Variants in CCDC7 observed in about 807,000 individuals in gnomAD.
CCDC7 encodes coiled-coil domain-containing protein 7.
CCDC7 carries 183 observed loss-of-function variants against 196.9 expected under a neutral mutation model. The ratio of observed to expected loss-of-function variants is 0.93; its 90% CI spans 0.82 to 1.05. The LOEUF (loss-of-function observed/expected upper bound fraction) is 1.05, where lower values mean the gene tolerates loss of function less well. Among genes scored for constraint, CCDC7 ranks in the 50% least tolerant of loss-of-function variants. CCDC7 has a pLI of 0.00. For missense variants in CCDC7, 1,540 were observed against 1,482.2 expected, an observed-to-expected ratio of 1.04 and a Z score of -0.64; for synonymous variants, 525 against 484.6, an observed-to-expected ratio of 1.08 and a Z score of -1.10.
chr10:32,789,708 G>A (rs2082394867), intron 29 of CCDC7, among the ~76,000 whole-genome samples: 1 of 152,172 alleles, frequency 6.6e-6, no homozygotes, highest in Admixed American at 6.5e-5. Flanking sequence ...TGAAGGCAGA[G>A]TGAATAGATT....
At chr10:32,546,119 T>C (rs2052421945) in intron 13 of CCDC7, among the ~76,000 whole-genome samples, 1 of 152,064 alleles carries the variant, frequency 6.6e-6, no homozygotes, top group Admixed American at 6.6e-5. Context: ...GAAAAACATA[T>C]CGAATGCTAT....
intron 9 of CCDC7, 37 bp from the exon 11 acceptor site, chr10:32,517,908 A>G (rs1478742811): frequency 1.3e-6 from 2 of 1,571,142 alleles, no homozygotes; most frequent in African/African-American, 2.8e-5. Context: ...ATATAAATGT[A>G]CAATTATAAA....
chr10:32,498,317 G>T (rs1322355806), intron 9 of CCDC7, among the ~76,000 whole-genome samples: 6 of 151,790 alleles, frequency 4.0e-5, no homozygotes, highest in African/African-American at 1.2e-4. Context: ...CACACCAGTG[G>T]GTCTTTACTC....
intron 8 of CCDC7, among the ~76,000 whole-genome samples, chr10:32,486,855 A>G (rs1163692926): frequency 6.6e-6 from 1 of 151,804 alleles, no homozygotes; most frequent in Non-Finnish European, 1.5e-5. Flanking sequence ...TTCTGCCGAG[A>G]GATCAGCTGT....
intron 20 of CCDC7, among the ~76,000 whole-genome samples, chr10:32,660,253 C>A (rs1320580061): frequency 6.9e-6 from 1 of 143,888 alleles, no homozygotes; most frequent in Admixed American, 7.1e-5. Context: ...TTAGGTATAT[C>A]TCCCAATGCT....
At chr10:32,881,987 T>C (rs1185800711), downstream of CCDC7, among the ~76,000 whole-genome samples, 1 of 152,176 alleles carries the variant, frequency 6.6e-6, no homozygotes, top group Non-Finnish European at 1.5e-5. Context: ...GGTAACTAGA[T>C]GATTGGACTC....
chr10:32,658,756 A>G (rs1179317586), intron 20 of CCDC7, among the ~76,000 whole-genome samples: 1 of 152,258 alleles, frequency 6.6e-6, no homozygotes, highest in African/African-American at 2.4e-5. Context: ...ATCCAGGCCC[A>G]TAAAGACATA....
intron 23 of CCDC7, among the ~76,000 whole-genome samples, chr10:32,689,717 C>A (rs897940885): frequency 6.6e-6 from 1 of 151,260 alleles, no homozygotes; most frequent in Non-Finnish European, 1.5e-5. Flanking sequence ...TTTATCGAAA[C>A]AGTTCCAGTA....
chr10:32,768,094 C>T (rs1273491208), intron 28 of CCDC7, among the ~76,000 whole-genome samples: 1 of 151,940 alleles, frequency 6.6e-6, no homozygotes, highest in African/African-American at 2.4e-5. Context: ...ATGCAGTATG[C>T]TTACAAGATT....
chr10:32,880,804 A>G (rs1271021068), downstream of CCDC7, among the ~76,000 whole-genome samples: 3 of 152,216 alleles, frequency 2.0e-5, no homozygotes, highest in East Asian at 1.9e-4. Context: ...TCCTTTCCCT[A>G]TTGCTTGTTT....
At chr10:32,515,869 G>A (rs2046949833) in intron 9 of CCDC7, among the ~76,000 whole-genome samples, 1 of 152,068 alleles carries the variant, frequency 6.6e-6, no homozygotes, top group Non-Finnish European at 1.5e-5. Context: ...ATGCACTAAT[G>A]TCAAAATTAT....
At chr10:32,785,381 C>G (rs1278282593) in intron 29 of CCDC7, among the ~76,000 whole-genome samples, 1 of 152,014 alleles carries the variant, frequency 6.6e-6, no homozygotes, top group African/African-American at 2.4e-5. Flanking sequence ...CTGAAGAAAA[C>G]ATAATGGACA....
intron 21 of CCDC7, among the ~76,000 whole-genome samples, chr10:32,672,352 G>T (rs1411124518): frequency 6.6e-6 from 1 of 152,170 alleles, no homozygotes; most frequent in African/African-American, 2.4e-5. Flanking sequence ...TGAACGTGTG[G>T]CTCTGGGATT....
chr10:32,716,937 T>G (rs3003970), intron 25 of CCDC7, among the ~76,000 whole-genome samples: 126,858 of 151,984 alleles, frequency 0.83, 53,557 homozygotes, highest in Non-Finnish European at 0.9. Context: ...AATAATAGTG[T>G]GATACTTTAA....
intron 20 of CCDC7, among the ~76,000 whole-genome samples, chr10:32,644,931 T>A (rs2067487015): frequency 1.3e-5 from 2 of 152,210 alleles, no homozygotes. Flanking sequence ...TGCAGAACCA[T>A]GAGCCAATTA....
At chr10:32,808,151 G>T (rs371433187) in intron 30 of CCDC7, among the ~76,000 whole-genome samples, 60 of 152,158 alleles carry the variant, frequency 3.9e-4, no homozygotes, top group African/African-American at 1.4e-3. Flanking sequence ...GGGTCCTGGG[G>T]ATTTCCCCAC....
At chr10:32,811,443 A>G (rs1245699381) in intron 30 of CCDC7, among the ~76,000 whole-genome samples, 2 of 152,114 alleles carry the variant, frequency 1.3e-5, no homozygotes, top group Non-Finnish European at 2.9e-5. Context: ...CCAAGATTGA[A>G]TTAAGAAGAA....
chr10:32,854,605 G>A, intron 41 of CCDC7, 116 bp downstream of exon 42: 6 of 629,024 alleles, frequency 9.5e-6, no homozygotes, highest in Non-Finnish European at 1.6e-5. Flanking sequence ...CCAACCTTAT[G>A]GGTGAGGCAT....
At chr10:32,770,405 C>T (rs1219621521) in intron 28 of CCDC7, among the ~76,000 whole-genome samples, 6 of 152,048 alleles carry the variant, frequency 3.9e-5, no homozygotes, top group Admixed American at 3.9e-4. Flanking sequence ...TGTTTAATTT[C>T]CATGTATTTG....
Sources: allele counts gnomAD v4.1 joint callset (sites outside exome capture counted in the v4.1 genomes callset), GRCh38; gene constraint gnomAD v4.1.1; transcripts MANE v1.5; gene names NCBI Gene and HGNC (gene_info 2026-07-23, HGNC 2026-07-21).